LTBP1: variants seen among roughly 807,000 people sequenced by gnomAD.
LTBP1 encodes the protein latent transforming growth factor beta binding protein 1, also known as latent-transforming growth factor beta-binding protein 1.
Under a neutral mutation model 207.6 loss-of-function variants are expected in LTBP1, and 129 were observed. That is an observed-to-expected ratio of 0.62 (90% CI 0.54 to 0.72). The LOEUF is 0.72. Among genes scored for constraint, LTBP1 ranks in the 30% least tolerant of loss-of-function variants. LTBP1 has a pLI of 0.00. For synonymous variants in LTBP1, 963 were observed against 833.7 expected (o/e 1.16, Z -2.67); for missense variants, 2,281 against 2,217.2 (o/e 1.03, Z -0.58).
chr2:33,048,631 C>T (rs1041603481), intron 3 of LTBP1, among the ~76,000 whole-genome samples: 1 of 152,222 alleles, frequency 6.6e-6, no homozygotes, highest in Admixed American at 6.5e-5. Flanking sequence ...GACCCTGGTC[C>T]TTCCTGTGGT....
rs900555505 is a variant in LTBP1 at position 32,947,204 on chromosome 2, C to T, written c.-121C>T. 225 of 751,074 alleles carry T rather than the reference C, an allele frequency of 3.0e-4. 1 individual carries two copies. The highest frequency in any genetic ancestry group is 9.2e-4 in the Middle Eastern group (2 of 2,172). 46.5% of individuals were successfully genotyped at this position (751,074 alleles called of 1,614,324 possible). A position where few individuals can be genotyped will look rare whatever the true frequency, so the allele number is the denominator to read the frequency against. On this transcript the variant is annotated 5_prime_UTR_variant, in exon 1 of 34. Transcript: ENST00000404816. ...CCCTCGCCACCGACTTGGTCTCCTC[C>T]CGCCTTTCCCGGGCTCTCGGCAGCT...
At chr2:32,974,794 T>G (rs1424486842) in intron 2 of LTBP1, among the ~76,000 whole-genome samples, 1 of 152,244 alleles carries the variant, frequency 6.6e-6, no homozygotes, top group Non-Finnish European at 1.5e-5. Flanking sequence ...GTAGGTATCT[T>G]GAAGACGGTA....
chr2:33,304,836 G>A (rs2094059382), intron 22 of LTBP1, among the ~76,000 whole-genome samples: 1 of 152,174 alleles, frequency 6.6e-6, no homozygotes, highest in Admixed American at 6.5e-5. Context: ...ATTTTAAAAA[G>A]GTGGAAAGGT....
chr2:32,952,991 C>G (rs1266354402), intron 2 of LTBP1, among the ~76,000 whole-genome samples: 3 of 152,218 alleles, frequency 2.0e-5, no homozygotes, highest in Non-Finnish European at 4.4e-5. Context: ...AGGAGAAACA[C>G]AGCCAGCTGT....
intron 24 of LTBP1, among the ~76,000 whole-genome samples, chr2:33,331,662 T>C (rs557302376): frequency 6.6e-6 from 1 of 152,216 alleles, no homozygotes; most frequent in South Asian, 2.1e-4. Context: ...TTGAAAACAA[T>C]TTATATTATG....
chr2:33,363,661 A>C (rs1270029982), intron 29 of LTBP1, 143 bp downstream of exon 29: 4 of 908,838 alleles, frequency 4.4e-6, no homozygotes, highest in Non-Finnish European at 6.3e-6. Context: ...TCTTTTTCTT[A>C]AGCACAATTG....
chr2:33,059,851 C>T (rs945748273), intron 3 of LTBP1, among the ~76,000 whole-genome samples: 16 of 152,192 alleles, frequency 1.1e-4, no homozygotes, highest in African/African-American at 3.9e-4. Context: ...AAAAACCAGA[C>T]ACATCCCTAA....
At chr2:33,349,914 A>C (rs2094757439) in intron 26 of LTBP1, among the ~76,000 whole-genome samples, 2 of 151,892 alleles carry the variant, frequency 1.3e-5, no homozygotes, top group Admixed American at 1.3e-4. Context: ...AAGTGTGTGG[A>C]CCTCTGCAAG....
intron 15 of LTBP1, among the ~76,000 whole-genome samples, chr2:33,272,368 C>T (rs556201656): frequency 6.6e-6 from 1 of 152,322 alleles, no homozygotes; most frequent in Non-Finnish European, 1.5e-5. Flanking sequence ...TGCTCAGAGG[C>T]GCCAAACTAT....
chr2:33,082,431 A>AATTTTTTTTTTTTTTTTTTTTTTTTT (rs2078468929), intron 3 of LTBP1, among the ~76,000 whole-genome samples: 2 of 116,044 alleles, frequency 1.7e-5, no homozygotes, highest in African/African-American at 3.3e-5. Context: ...AGTATGACTC[A>AATTTTTTTTTTTTTTTTTTTTTTTTT]CTTTTTTTTT....
chr2:33,341,729 A>AAAAATATATATATATATATATATATAT (rs745445793), intron 24 of LTBP1, among the ~76,000 whole-genome samples: 1 of 93,634 alleles, frequency 1.1e-5, no homozygotes, highest in African/African-American at 5.1e-5. Context: ...AAAAAAAAAA[A>AAAAATATATATATATATATATATATAT]ATATATATAT....
At chr2:33,068,527 T>C (rs1319371445) in intron 3 of LTBP1, among the ~76,000 whole-genome samples, 1 of 152,230 alleles carries the variant, frequency 6.6e-6, no homozygotes, top group Admixed American at 6.5e-5. Context: ...AATAATGGCA[T>C]GTATCTGCCA....
intron 24 of LTBP1, among the ~76,000 whole-genome samples, chr2:33,331,177 A>G (rs2094490019): frequency 6.6e-6 from 1 of 151,682 alleles, no homozygotes; most frequent in Non-Finnish European, 1.5e-5. Context: ...CAAAGAAACA[A>G]CTTATGTGGA....
intron 17 of LTBP1, 91 bp from the exon 18 acceptor site, chr2:33,275,710 C>T (rs1264087023): frequency 9.5e-6 from 14 of 1,466,984 alleles, no homozygotes; most frequent in Admixed American, 5.2e-5. Context: ...TCAGTTACTT[C>T]GTTATTATAT....
intron 15 of LTBP1, among the ~76,000 whole-genome samples, chr2:33,270,426 A>G (rs2093292953): frequency 6.6e-6 from 1 of 151,716 alleles, no homozygotes. Flanking sequence ...CGTCTCTACT[A>G]AAAATACAAA....
In LTBP1 at chr2:33,257,457, G is replaced by A; in HGVS notation, c.2341G>A (p.Val781Met). Residue 781 changes from valine (V) to methionine (M), a missense_variant, in exon 12 of 34, where the codon GTG becomes ATG. Physicochemically the swap from Val to Met is conservative, Grantham distance 21. Around this residue, in one of 3 missense-constraint regions of LTBP1, gnomAD observed 1,671 missense variants for 1,634.8 expected, o/e 1.02. Coordinates refer to ENST00000404816, the MANE Select transcript of LTBP1 (RefSeq NM_206943.4). Reference protein sequence around the residue: ...PPPLPAKEEPVEALTFSREHG... With the variant: ...PPPLPAKEEPMEALTFSREHG... ...ACCTCTCCCAGCCAAGGAAGAGCCA[G>A]TGGAGGCCCTGACCTTCTCCCGGGA... 3 of 1,614,204 alleles carry A rather than the reference G, an allele frequency of 1.9e-6. No homozygotes were observed. Among genetic ancestry groups the A allele is most frequent in the South Asian group, 1.1e-5 (1 of 91,084 alleles).
chr2:33,137,243 C>T (rs1427808235), intron 5 of LTBP1, among the ~76,000 whole-genome samples: 1 of 151,904 alleles, frequency 6.6e-6, no homozygotes, highest in East Asian at 1.9e-4. Flanking sequence ...TTTTTTTCTT[C>T]TCTCTTTGTA....
intron 5 of LTBP1, among the ~76,000 whole-genome samples, chr2:33,160,240 G>A (rs1212976393): frequency 6.6e-6 from 1 of 152,124 alleles, no homozygotes; most frequent in Non-Finnish European, 1.5e-5. Context: ...AACGATTATG[G>A]ACAATTTCCA....
At chr2:33,090,586 G>C (rs1376076531) in intron 3 of LTBP1, among the ~76,000 whole-genome samples, 3 of 152,080 alleles carry the variant, frequency 2.0e-5, no homozygotes, top group Admixed American at 2.0e-4. Context: ...TCCCATTTTA[G>C]AGATAGGGAA....
Sources: gnomAD v4.1 joint callset for allele counts (sites outside exome capture counted in the v4.1 genomes callset) on GRCh38, gnomAD v4.1.1 for gene constraint, gnomAD v4.1.1 regional missense constraint, MANE v1.5 for transcripts, NCBI Gene and HGNC (gene_info 2026-07-23, HGNC 2026-07-21) for gene names.